COG5: variants seen among roughly 807,000 people sequenced by gnomAD.
COG5 encodes component of oligomeric golgi complex 5.
COG5 carries 86 observed loss-of-function variants against 110.4 expected under a neutral mutation model. The ratio of observed to expected loss-of-function variants is 0.78; its 90% CI spans 0.65 to 0.93. COG5 has a LOEUF of 0.93. Ranked by LOEUF, COG5 falls within the 40% of genes least tolerant of loss-of-function variation. COG5 has a pLI of 0.00. For missense variants in COG5, 1,077 were observed against 987.0 expected (o/e 1.09, Z -1.22); for synonymous variants, 360 against 334.6 (o/e 1.08, Z -0.83).
rs542952468 is a variant in COG5, at chr7:107,212,044, T to C, written c.2169-819A>G. 2.0e-5 allele frequency among the ~76,000 whole-genome samples: 3 copies of C among 152,328 alleles called. No homozygotes were observed. The East Asian group carries it at 5.8e-4, about 29-fold the overall frequency. On this transcript the variant is annotated intron_variant, in intron 19 of 21. Coordinates refer to ENST00000297135, the MANE Select transcript of COG5 (RefSeq NM_006348.5). ...CCTGGGGTCTTTCTTTACCCCAACT[T>C]AATTACTCTAATTATGAATGAAGGC...
chr7:107,386,473 G>A (rs1790207467), intron 7 of COG5, among the ~76,000 whole-genome samples: 1 of 152,154 alleles, frequency 6.6e-6, no homozygotes, highest in South Asian at 2.1e-4. Context: ...GAGGAAGCAC[G>A]ACGGACCGCC....
rs77523360 is a variant in COG5 at position 107,561,560 on chromosome 7, G to A, written c.94+2243C>T. 1.9e-3 allele frequency among the ~76,000 whole-genome samples: 296 copies of A among 152,354 alleles called. 1 individual carries two copies. Among genetic ancestry groups the A allele is most frequent in the African/African-American group, 6.8e-3 (283 of 41,582 alleles). ...CCAAAAAAGTGTCCATTTGTCGTAT[G>A]TGCAAGAAAGTCATTGAAAACCTTG... On this transcript the variant is annotated intron_variant, in intron 1 of 21. Coordinates refer to ENST00000297135, the MANE Select transcript of COG5 (RefSeq NM_006348.5).
At chr7:107,470,942 T>A (rs1796596811) in intron 6 of COG5, among the ~76,000 whole-genome samples, 1 of 151,930 alleles carries the variant, frequency 6.6e-6, no homozygotes, top group African/African-American at 2.4e-5. Context: ...TTTAATGAGT[T>A]AAAATTCAAA....
chr7:107,425,887 C>T (rs1793613424), intron 6 of COG5, among the ~76,000 whole-genome samples: 1 of 152,102 alleles, frequency 6.6e-6, no homozygotes, highest in Non-Finnish European at 1.5e-5. Flanking sequence ...AGGACTGTTG[C>T]CACTAATTCA....
At chr7:107,396,756 G>A (rs987174110) in intron 7 of COG5, among the ~76,000 whole-genome samples, 1 of 152,052 alleles carries the variant, frequency 6.6e-6, no homozygotes, top group Non-Finnish European at 1.5e-5. Context: ...TGGCATTAAA[G>A]TTTTTAAATA....
At chr7:107,359,692 G>A (rs978331897) in intron 10 of COG5, among the ~76,000 whole-genome samples, 2 of 152,204 alleles carry the variant, frequency 1.3e-5, no homozygotes, top group Non-Finnish European at 1.5e-5. Flanking sequence ...TCAGCCAGAC[G>A]ACAGGACTAT....
chr7:107,453,177 T>G (rs1162202233), intron 6 of COG5, among the ~76,000 whole-genome samples: 1 of 152,202 alleles, frequency 6.6e-6, no homozygotes, highest in Non-Finnish European at 1.5e-5. Context: ...CAAAATAATC[T>G]GAACAATAGT....
intron 11 of COG5, among the ~76,000 whole-genome samples, chr7:107,312,649 T>A (rs947067928): frequency 1.3e-5 from 2 of 152,120 alleles, no homozygotes; most frequent in Non-Finnish European, 2.9e-5. Flanking sequence ...AATTCAGGCT[T>A]AAGTATGAGA....
chr7:107,394,513 A>C (rs954670019), intron 7 of COG5, among the ~76,000 whole-genome samples: 2 of 152,240 alleles, frequency 1.3e-5, no homozygotes, highest in Non-Finnish European at 2.9e-5. Flanking sequence ...AAGCTTGCCA[A>C]AACAGGAACA....
intron 12 of COG5, among the ~76,000 whole-genome samples, chr7:107,288,696 A>G (rs976960672): frequency 1.3e-5 from 2 of 151,760 alleles, no homozygotes; most frequent in African/African-American, 4.8e-5. Flanking sequence ...ATATTCTGAA[A>G]CAAGTCAATT....
intron 11 of COG5, among the ~76,000 whole-genome samples, chr7:107,314,625 T>C (rs1488760937): frequency 1.4e-5 from 2 of 148,104 alleles, no homozygotes; most frequent in Non-Finnish European, 3.0e-5. Flanking sequence ...TGGGCGTGCC[T>C]GTAATCCCAG....
At chr7:107,472,870 A>C (rs1366773347) in intron 6 of COG5, 1 of 151,962 alleles carries the variant, frequency 6.6e-6, no homozygotes, top group Non-Finnish European at 1.5e-5. Context: ...GAAATGTGAA[A>C]TATAGTTGGT....
chr7:107,287,612 C>T (rs1356444234), intron 12 of COG5, among the ~76,000 whole-genome samples: 3 of 152,156 alleles, frequency 2.0e-5, no homozygotes, highest in African/African-American at 7.2e-5. Flanking sequence ...AAAAAGAAAT[C>T]TTGTATCTTT....
intron 19 of COG5, among the ~76,000 whole-genome samples, chr7:107,218,595 A>G (rs1337806367): frequency 6.6e-6 from 1 of 152,164 alleles, no homozygotes; most frequent in Non-Finnish European, 1.5e-5. Context: ...AGAAAACACA[A>G]TGGGAAAAGG....
Position 107,474,061 on chromosome 7 carries a change from A to T in COG5, c.538+53176T>A. ...GAAAAAAACCAACTGCTCCAAAAGAATGTGTTTTTCTCCCATTCTGGAAAT... is the reference window on the plus strand; with the variant it reads ...GAAAAAAACCAACTGCTCCAAAAGATTGTGTTTTTCTCCCATTCTGGAAAT... On this transcript the variant is annotated intron_variant, in intron 6 of 21. Transcript: ENST00000297135. This position sits in a 1 kb window ranked among gnomAD's most constrained non-coding sequence, Gnocchi z 5.7. The T allele has an allele frequency of 6.6e-7, 1 of 1,524,118 alleles. No homozygotes were observed. Among genetic ancestry groups the T allele is most frequent in the Admixed American group, 2.0e-5 (1 of 50,356 alleles). The allele number at this position is 1,524,118 out of a possible 1,614,324, so 94.4% of individuals were successfully genotyped here. A position where few individuals can be genotyped will look rare whatever the true frequency, so the allele number is the denominator to read the frequency against.
intron 21 of COG5, among the ~76,000 whole-genome samples, chr7:107,203,948 A>G (rs2116091893): frequency 6.6e-6 from 1 of 152,306 alleles, no homozygotes; most frequent in Admixed American, 6.5e-5. Context: ...CCTACTGAAG[A>G]CACCGGCAAC....
chr7:107,503,156 T>A (rs189045226), intron 6 of COG5, among the ~76,000 whole-genome samples: 27 of 152,310 alleles, frequency 1.8e-4, no homozygotes, highest in African/African-American at 6.5e-4. Flanking sequence ...AAGTCTTTGA[T>A]CCATCTTGGG....
chr7:107,295,097 ATATAT>A (rs1182178260), intron 12 of COG5, among the ~76,000 whole-genome samples: 34 of 70,584 alleles, frequency 4.8e-4, no homozygotes, highest in African/African-American at 1.3e-3. Flanking sequence ...ATATATATAT[ATATAT>A]TTTTTTTTTT....
intron 7 of COG5, among the ~76,000 whole-genome samples, chr7:107,410,344 T>C (rs940534437): frequency 6.6e-6 from 1 of 152,136 alleles, no homozygotes; most frequent in African/African-American, 2.4e-5. Context: ...AAAAAATAAG[T>C]AGACCCAGAG....
Sources: allele counts gnomAD v4.1 joint callset (sites outside exome capture counted in the v4.1 genomes callset), GRCh38; gene constraint gnomAD v4.1.1; non-coding constraint Gnocchi (gnomAD v3.1); transcripts MANE v1.5; gene names NCBI Gene and HGNC (gene_info 2026-07-23, HGNC 2026-07-21).